CARMIL1: variants seen among roughly 807,000 people sequenced by gnomAD.
CARMIL1 encodes capping protein regulator and myosin 1 linker 1.
A neutral mutation model predicts 177.1 loss-of-function variants in CARMIL1; 90 were observed. The observed-to-expected ratio is 0.51, with a 90% CI of 0.43 to 0.61. The LOEUF (loss-of-function observed/expected upper bound fraction) is 0.61, where lower values mean the gene tolerates loss of function less well. CARMIL1 is among the 20% of genes least tolerant of loss of function. The probability of loss-of-function intolerance (pLI) is 0.00; values close to 1 mark genes in which losing one functional copy is unlikely to be tolerated. For synonymous variants in CARMIL1, 577 were observed against 606.2 expected, an observed-to-expected ratio of 0.95 and a Z score of 0.71; for missense variants, 1,380 against 1,667.0, an observed-to-expected ratio of 0.83 and a Z score of 3.00.
intron 20 of CARMIL1, among the ~76,000 whole-genome samples, chr6:25,513,533 CTTG>C (rs1219802689): frequency 6.6e-6 from 1 of 152,202 alleles, no homozygotes; most frequent in Admixed American, 6.5e-5. Flanking sequence ...CAATAATATG[CTTG>C]TTGTCTCTTG....
At position 25,345,435 on chromosome 6, in the gene CARMIL1, C is replaced by G. The variant is rs532469056; in HGVS notation, c.138+60526C>G. On this transcript the variant is annotated intron_variant, in intron 2 of 36. Transcript: ENST00000329474. ...TCGTATTTGTAGCCTGGATCTCTCTCTTGAACTCCAGACCCCTTCATCTGG... is the reference window on the plus strand; with the variant it reads ...TCGTATTTGTAGCCTGGATCTCTCTGTTGAACTCCAGACCCCTTCATCTGG... Among the ~76,000 whole-genome samples the G allele has an allele frequency of 4.3e-4, 65 of 152,230 alleles. No individual in the cohort carries two copies. In the Middle Eastern group the frequency reaches 0.017, roughly 40 times the overall value.
intron 29 of CARMIL1, among the ~76,000 whole-genome samples, chr6:25,579,441 T>C (rs1446051753): frequency 6.6e-6 from 1 of 152,192 alleles, no homozygotes; most frequent in African/African-American, 2.4e-5. Flanking sequence ...AAACACAGCA[T>C]ATATTTTGAT....
intron 2 of CARMIL1, among the ~76,000 whole-genome samples, chr6:25,418,701 T>G (rs1014922712): frequency 6.6e-6 from 1 of 152,216 alleles, no homozygotes; most frequent in African/African-American, 2.4e-5. Context: ...GCCTACACTT[T>G]TAGAAGTCAT....
At chr6:25,497,575 TC>T in intron 16 of CARMIL1, among the ~76,000 whole-genome samples, 1 of 152,248 alleles carries the variant, frequency 6.6e-6, no homozygotes, top group East Asian at 1.9e-4. Flanking sequence ...CAGAGGGGGT[TC>T]TGGGAAGTGC....
chr6:25,529,599 T>C (rs1056870152), intron 24 of CARMIL1, among the ~76,000 whole-genome samples: 4 of 151,808 alleles, frequency 2.6e-5, no homozygotes, highest in African/African-American at 9.7e-5. Flanking sequence ...AAAATTGTTA[T>C]TGTAAGTTCA....
intron 22 of CARMIL1, among the ~76,000 whole-genome samples, 154 bp downstream of exon 22, chr6:25,517,569 GA>G (rs1289547993): frequency 1.3e-5 from 2 of 152,196 alleles, no homozygotes; most frequent in African/African-American, 4.8e-5. Context: ...TGGGATCTTG[GA>G]AGACATTGAA....
At chr6:25,490,900 C>T (rs1017227376) in intron 13 of CARMIL1, among the ~76,000 whole-genome samples, 14 of 152,260 alleles carry the variant, frequency 9.2e-5, no homozygotes, top group South Asian at 2.1e-4. Flanking sequence ...TTTGCAAGGA[C>T]GTACTCAGTA....
intron 2 of CARMIL1, among the ~76,000 whole-genome samples, chr6:25,389,410 G>C (rs977595577): frequency 2.0e-5 from 3 of 152,100 alleles, no homozygotes; most frequent in Admixed American, 2.0e-4. Context: ...TGAACTCCTG[G>C]ACTCAAGCTA....
intron 2 of CARMIL1, among the ~76,000 whole-genome samples, chr6:25,347,549 A>G (rs1427900903): frequency 6.6e-6 from 1 of 152,238 alleles, no homozygotes; most frequent in African/African-American, 2.4e-5. Flanking sequence ...ATTTAAAGAA[A>G]TACTGTGAAA....
intron 2 of CARMIL1, among the ~76,000 whole-genome samples, chr6:25,361,755 CAG>C (rs895577287): frequency 2.0e-5 from 3 of 152,090 alleles, no homozygotes; most frequent in African/African-American, 7.2e-5. Flanking sequence ...ATAAGGTCAT[CAG>C]GGGGGTTCCC....
intron 2 of CARMIL1, among the ~76,000 whole-genome samples, chr6:25,362,244 CCTCA>C (rs139085505): frequency 0.041 from 6,263 of 152,222 alleles, 170 homozygotes; most frequent in Non-Finnish European, 0.064. Flanking sequence ...CCTTTGTTTT[CCTCA>C]CTAAGTGAGA....
intron 34 of CARMIL1, among the ~76,000 whole-genome samples, chr6:25,605,696 T>A (rs1164180489): frequency 6.6e-6 from 1 of 152,218 alleles, no homozygotes; most frequent in Non-Finnish European, 1.5e-5. Flanking sequence ...CATTCGGTTA[T>A]ACCTGTACCT....
Position 25,588,601 on chromosome 6 carries a change from G to C in CARMIL1, c.3007-5814G>C, listed in dbSNP as rs1321753372. Among the ~76,000 whole-genome samples the C allele has an allele frequency of 7.2e-5, 11 of 152,336 alleles. No homozygotes were observed. In the South Asian group the frequency reaches 2.3e-3, roughly 32 times the overall value. On this transcript the variant is annotated intron_variant, in intron 31 of 36. Transcript: ENST00000329474. ...CATTCTAACCACGACACCCAACAGG[G>C]ATGGAGGCATGCTTATACTCACTCA...
chr6:25,530,486 C>CA (rs34534061), intron 24 of CARMIL1, among the ~76,000 whole-genome samples: 21 of 151,092 alleles, frequency 1.4e-4, no homozygotes, highest in Non-Finnish European at 2.5e-4. Context: ...GACTCTGACT[C>CA]AAAAAAAAGA....
chr6:25,371,370 C>T lies in CARMIL1; in HGVS notation c.139-48744C>T, dbSNP rs538143116. Among the ~76,000 whole-genome samples, 382 of 152,296 alleles carry T rather than the reference C, an allele frequency of 2.5e-3. 1 individual carries two copies. The highest frequency in any genetic ancestry group is 8.2e-3 in the African/African-American group (342 of 41,566). ...AGGTTGTACTAATTTACATTCCCACCAGCAGTGTATAAGTAAGTGTTCTCT... is the reference window on the plus strand; with the variant it reads ...AGGTTGTACTAATTTACATTCCCACTAGCAGTGTATAAGTAAGTGTTCTCT... On this transcript the variant is annotated intron_variant, in intron 2 of 36. Transcript: ENST00000329474.
chr6:25,612,218 C>G (rs1816561591), intron 36 of CARMIL1, among the ~76,000 whole-genome samples: 1 of 152,220 alleles, frequency 6.6e-6, no homozygotes. Flanking sequence ...AAGATTTTGA[C>G]TTTATCAGCT....
At chr6:25,475,076 A>G (rs926500629) in intron 11 of CARMIL1, among the ~76,000 whole-genome samples, 3 of 152,244 alleles carry the variant, frequency 2.0e-5, no homozygotes, top group African/African-American at 7.2e-5. Flanking sequence ...GTAAAATGGT[A>G]CAGCCACATG....
intron 5 of CARMIL1, among the ~76,000 whole-genome samples, chr6:25,444,981 C>T (rs949624598): frequency 6.6e-6 from 1 of 152,222 alleles, no homozygotes; most frequent in Non-Finnish European, 1.5e-5. Context: ...CTACTTTACA[C>T]TCCCACCAAC....
chr6:25,616,475 G>A (rs1198987249), intron 36 of CARMIL1, among the ~76,000 whole-genome samples: 1 of 152,144 alleles, frequency 6.6e-6, no homozygotes, highest in Admixed American at 6.5e-5. Context: ...TCTGGAAGCT[G>A]AGACAGGAGG....
Sources: allele counts gnomAD v4.1 joint callset (sites outside exome capture counted in the v4.1 genomes callset), GRCh38; gene constraint gnomAD v4.1.1; transcripts MANE v1.5; gene names NCBI Gene and HGNC (gene_info 2026-07-23, HGNC 2026-07-21).